The following SAE1 variants were observed in gnomAD, a reference collection of about 807,000 sequenced individuals.
SAE1 encodes the protein SUMO-activating enzyme subunit 1.
SAE1 carries 11 observed loss-of-function variants against 40.6 expected under a neutral mutation model. The observed-to-expected ratio is 0.27, with a 90% confidence interval of 0.17 to 0.45. The LOEUF (loss-of-function observed/expected upper bound fraction) is 0.45. Among genes scored for constraint, SAE1 ranks in the 20% least tolerant of loss-of-function variants. The pLI, the probability that SAE1 is intolerant of heterozygous loss-of-function variation, is 1.00. For synonymous variants in SAE1, 155 were observed against 154.3 expected, an observed-to-expected ratio of 1.00 and a Z score of -0.03; for missense variants, 373 against 427.3, an observed-to-expected ratio of 0.87 and a Z score of 1.12.
intron 7 of SAE1, 63 bp downstream of exon 7, chr19:47,197,440 T>A: frequency 6.9e-7 from 1 of 1,456,276 alleles, no homozygotes; most frequent in Non-Finnish European, 9.3e-7. Context: ...AGGATTTGCC[T>A]TAATTTGACA....
intron 3 of SAE1, among the ~76,000 whole-genome samples, 169 bp from the exon 4 acceptor site, chr19:47,152,729 C>T (rs2058295076): frequency 6.6e-6 from 1 of 152,172 alleles, no homozygotes; most frequent in Admixed American, 6.6e-5. Context: ...TTGAAACCTG[C>T]AACTTTTCTT....
At chr19:47,173,732 C>A (rs1463345781) in intron 6 of SAE1, among the ~76,000 whole-genome samples, 1 of 152,056 alleles carries the variant, frequency 6.6e-6, no homozygotes, top group African/African-American at 2.4e-5. Flanking sequence ...AGTTGAGAAC[C>A]ACTGGATTAT....
rs143321323 is a variant in SAE1, at chr19:47,182,496, T to TGTGTGCGCGC, written c.733+12574_733+12575insTGTGCGCGCG. ...GTGTGTGTGTGTGTGTGTGTGTGTG[T>TGTGTGCGCGC]GCGCGCACGCACGCGCGCGCGCACA... On this transcript the variant is annotated intron_variant, in intron 6 of 8. Coordinates refer to ENST00000270225, the MANE Select transcript of SAE1 (RefSeq NM_005500.3). Among the ~76,000 whole-genome samples, 391 of 146,028 alleles carry TGTGTGCGCGC rather than the reference T, an allele frequency of 2.7e-3. 2 individuals carry two copies. Among genetic ancestry groups the TGTGTGCGCGC allele is most frequent in the Admixed American group, 0.016 (227 of 14,590 alleles).
chr19:47,132,190 G>A (rs1260880972), intron 1 of SAE1, among the ~76,000 whole-genome samples: 1 of 150,122 alleles, frequency 6.7e-6, no homozygotes, highest in South Asian at 2.1e-4. Context: ...CTCAAACTCC[G>A]GACCTCAAGT....
At chr19:47,132,461 T>G (rs1375058224) in intron 1 of SAE1, among the ~76,000 whole-genome samples, 2 of 150,908 alleles carry the variant, frequency 1.3e-5, no homozygotes, top group Non-Finnish European at 3.0e-5. Flanking sequence ...TTTTGCCATG[T>G]TGCCCAGACT....
At chr19:47,177,542 G>A (rs1249752848) in intron 6 of SAE1, among the ~76,000 whole-genome samples, 2 of 152,092 alleles carry the variant, frequency 1.3e-5, no homozygotes, top group Non-Finnish European at 2.9e-5. Flanking sequence ...AAATCTGTTT[G>A]TACAGATTGG....
chr19:47,161,539 A>G (rs572150123), intron 5 of SAE1, among the ~76,000 whole-genome samples: 5 of 152,298 alleles, frequency 3.3e-5, no homozygotes, highest in Admixed American at 1.3e-4. Flanking sequence ...AGACACCTGG[A>G]AGGGGCAGAT....
intron 6 of SAE1, among the ~76,000 whole-genome samples, chr19:47,181,059 A>G (rs1050742685): frequency 6.6e-6 from 1 of 152,112 alleles, no homozygotes; most frequent in Non-Finnish European, 1.5e-5. Flanking sequence ...GCTCACGCCT[A>G]TAATCCCAGC....
At chr19:47,172,845 G>T in intron 6 of SAE1, among the ~76,000 whole-genome samples, 1 of 151,940 alleles carries the variant, frequency 6.6e-6, no homozygotes, top group Middle Eastern at 3.2e-3. Context: ...TCTGTGCCGG[G>T]CGTTTTCCAT....
rs1195052896 is a variant in SAE1 at position 47,130,844 on chromosome 19, G to C, written c.-87G>C. On this transcript the variant is annotated 5_prime_UTR_variant, in exon 1 of 9. Transcript: ENST00000270225. ...GCGCATGCGCAGAAGCACTCCGGGC[G>C]TGCTGCCGGCGGCGGTAGGTGGCGC... The C allele has an allele frequency of 5.8e-5, 90 of 1,540,122 alleles. No individual in the cohort carries two copies. Among genetic ancestry groups the C allele is most frequent in the Non-Finnish European group, 7.7e-5 (88 of 1,142,922 alleles).
intron 6 of SAE1, among the ~76,000 whole-genome samples, chr19:47,174,595 C>T (rs987168292): frequency 7.8e-4 from 90 of 115,518 alleles, no homozygotes; most frequent in African/African-American, 3.2e-3. Flanking sequence ...TTTTGTGAGA[C>T]GGAGTCTCGC....
At chr19:47,152,215 C>T (rs1205400463) in intron 3 of SAE1, among the ~76,000 whole-genome samples, 1 of 152,232 alleles carries the variant, frequency 6.6e-6, no homozygotes, top group African/African-American at 2.4e-5. Context: ...TGCAGTAGAA[C>T]TTAGCCATTT....
At chr19:47,150,890 G>A (rs975740364) in intron 3 of SAE1, among the ~76,000 whole-genome samples, 13 of 152,138 alleles carry the variant, frequency 8.5e-5, no homozygotes, top group African/African-American at 2.4e-4. Context: ...TGGATAACTA[G>A]AGAAAAATCA....
chr19:47,172,789 A>G (rs1399706632), intron 6 of SAE1, among the ~76,000 whole-genome samples: 2 of 151,986 alleles, frequency 1.3e-5, no homozygotes, highest in East Asian at 1.9e-4. Context: ...AGAGAAAAGA[A>G]AAAAAGCACA....
At chr19:47,177,820 A>G (rs2058479562) in intron 6 of SAE1, among the ~76,000 whole-genome samples, 1 of 152,166 alleles carries the variant, frequency 6.6e-6, no homozygotes, top group Admixed American at 6.5e-5. Context: ...CGGAACAGGT[A>G]TTTGCCAGGT....
chr19:47,205,320 CTTT>C (rs11291244), intron 8 of SAE1, among the ~76,000 whole-genome samples: 7 of 129,188 alleles, frequency 5.4e-5, no homozygotes, highest in Non-Finnish European at 8.1e-5. Flanking sequence ...CCTAAGGCTA[CTTT>C]TTTTTTTTTT....
intron 1 of SAE1, among the ~76,000 whole-genome samples, chr19:47,134,694 G>A (rs1388159796): frequency 6.6e-6 from 1 of 152,122 alleles, no homozygotes; most frequent in Non-Finnish European, 1.5e-5. Flanking sequence ...GTTTGAAGTG[G>A]GGCAAAGTTG....
rs192069880 is a variant in SAE1 at position 47,150,219 on chromosome 19, C to T, written c.228C>T (p.Pro76=). Residue 76 remains proline, a synonymous_variant, in exon 3 of 9, where the codon CCC becomes CCT. Transcript: ENST00000270225. ...ATTCCTAGGTAACTCCAGAAGATCC[C>T]GGAGCTCAGTTCTTGATTCGTACTG... The part of the protein sequence containing the change: ...LDHEQVTPED[P]GAQFLIRTGS... 18 of 1,594,160 alleles carry T rather than the reference C, an allele frequency of 1.1e-5. No homozygotes were observed. In the Admixed American group the frequency reaches 1.4e-4, roughly 13 times the overall value.
At position 47,204,434 on chromosome 19, in the gene SAE1, G is replaced by A. The variant is rs148320884; in HGVS notation, c.948+694G>A. On this transcript the variant is annotated intron_variant, in intron 8 of 8. Transcript: ENST00000270225. ...AGGATGGTCTGGATCTCCTGACATC[G>A]TGATCTGCCCACCTCAGCCTCTCAA... is the stretch of plus-strand genomic sequence containing the variant. 7.8e-3 allele frequency among the ~76,000 whole-genome samples: 1,163 copies of A among 149,828 alleles called. 17 individuals are homozygous for A. The highest frequency in any genetic ancestry group is 0.027 in the African/African-American group (1,080 of 40,642).
Sources: allele counts gnomAD v4.1 joint callset (sites outside exome capture counted in the v4.1 genomes callset), GRCh38; gene constraint gnomAD v4.1.1; transcripts MANE v1.5; gene names NCBI Gene and HGNC (gene_info 2026-07-23, HGNC 2026-07-21).